Variants in ATP2A2 observed in about 807,000 individuals in gnomAD.
ATP2A2 encodes sarcoplasmic/endoplasmic reticulum calcium ATPase 2.
Under a neutral mutation model 109.3 loss-of-function variants are expected in ATP2A2, and 14 were observed. The ratio of observed to expected loss-of-function variants is 0.13; its 90% CI spans 0.08 to 0.20. The LOEUF (loss-of-function observed/expected upper bound fraction) is 0.20, where lower values mean the gene tolerates loss of function less well. Among genes scored for constraint, ATP2A2 ranks in the 10% least tolerant of loss-of-function variants. ATP2A2 has a pLI of 1.00. For synonymous variants in ATP2A2, 506 were observed against 490.9 expected (o/e 1.03, Z -0.41); for missense variants, 657 against 1,321.6 (o/e 0.50, Z 7.80).
chr12:110,286,284 A>G (rs2137684145), intron 3 of ATP2A2, among the ~76,000 whole-genome samples: 1 of 152,298 alleles, frequency 6.6e-6, no homozygotes, highest in East Asian at 1.9e-4. Flanking sequence ...AATTTTCTGA[A>G]AATACATGAG....
At chr12:110,303,882 C>T (rs568246020) in intron 5 of ATP2A2, among the ~76,000 whole-genome samples, 59 of 152,254 alleles carry the variant, frequency 3.9e-4, no homozygotes, top group African/African-American at 1.4e-3. Context: ...TATTGAATGC[C>T]AGATTATTAG....
intron 5 of ATP2A2, among the ~76,000 whole-genome samples, chr12:110,303,957 A>G (rs1874968832): frequency 6.6e-6 from 1 of 152,158 alleles, no homozygotes; most frequent in South Asian, 2.1e-4. Flanking sequence ...TCACCCTCAG[A>G]AAAACCCATA....
In ATP2A2 at chr12:110,350,068, G is replaced by T; in HGVS notation, c.*3598G>T. 7.0e-7 allele frequency: 1 copy of T among 1,433,182 alleles called. No individual in the cohort carries two copies. Among genetic ancestry groups the T allele is most frequent in the African/African-American group, 1.4e-5 (1 of 69,770 alleles). 88.8% of individuals were successfully genotyped at this position (1,433,182 alleles called of 1,614,324 possible). On this transcript the variant is annotated 3_prime_UTR_variant, in exon 20 of 20. Coordinates refer to ENST00000539276, the MANE Select transcript of ATP2A2 (RefSeq NM_170665.4). ...CAGAGCCTTTATTCTGTAGCCAGAC[G>T]ACACGAGGAGTCTGTGTCACTGAGC...
intron 5 of ATP2A2, among the ~76,000 whole-genome samples, chr12:110,297,631 T>C (rs1874112090): frequency 6.6e-6 from 1 of 151,792 alleles, no homozygotes; most frequent in Admixed American, 6.6e-5. Flanking sequence ...TTTGTTTTGT[T>C]TTTTGAGATG....
intron 5 of ATP2A2, among the ~76,000 whole-genome samples, chr12:110,302,148 C>G (rs905668513): frequency 2.2e-4 from 34 of 152,086 alleles, no homozygotes; most frequent in African/African-American, 8.0e-4. Flanking sequence ...TATAAACTTA[C>G]CCATTTTAAC....
Position 110,342,603 on chromosome 12 carries a change from G to A in ATP2A2, c.2318+155G>A, listed in dbSNP as rs1455989920. On this transcript the variant is annotated intron_variant, in intron 15 of 19. Coordinates refer to ENST00000539276, the MANE Select transcript of ATP2A2 (RefSeq NM_170665.4). This position sits in a 1 kb window ranked among gnomAD's most constrained non-coding sequence, Gnocchi z 4.6. ...GGCAAGACAGAAATGCCTTATGGAA[G>A]CAGTGGTGCTTTGGCCCTCGGGAGG... 2.0e-5 allele frequency among the ~76,000 whole-genome samples: 3 copies of A among 152,138 alleles called. No individual in the cohort carries two copies. The highest frequency in any genetic ancestry group is 7.2e-5 in the African/African-American group (3 of 41,420).
intron 5 of ATP2A2, among the ~76,000 whole-genome samples, chr12:110,306,330 C>T (rs527529759): frequency 5.3e-5 from 8 of 152,356 alleles, no homozygotes; most frequent in South Asian, 4.1e-4. Context: ...TGAGCCACCG[C>T]GCCCGGCCTA....
In ATP2A2 at chr12:110,328,003, A is replaced by C; in HGVS notation, c.1081A>C (p.Met361Leu). ...GACTGGTACACTTACAACAAACCAG[A>C]TGTCAGTCTGCAGGGTAAGAGGAGT... ...DKTGTLTTNQMSVCRMFILDR... is the reference protein window; with the variant it reads ...DKTGTLTTNQLSVCRMFILDR... Residue 361 changes from methionine to leucine, a missense_variant, in exon 8 of 20, where the codon ATG (methionine) becomes CTG (leucine). Physicochemically the swap from Met to Leu is conservative, Grantham distance 15. Coordinates refer to ENST00000539276, the MANE Select transcript of ATP2A2 (RefSeq NM_170665.4). 6.2e-7 allele frequency: 1 copy of C among 1,613,650 alleles called. No individual in the cohort carries two copies. Among genetic ancestry groups the C allele is most frequent in the Non-Finnish European group, 8.5e-7 (1 of 1,179,774 alleles).
chr12:110,332,450 T>C, intron 8 of ATP2A2, 147 bp from the exon 9 acceptor site: 2 of 738,654 alleles, frequency 2.7e-6, no homozygotes. Flanking sequence ...CTGCTGATGC[T>C]GAGTGAGCCT....
intron 11 of ATP2A2, among the ~76,000 whole-genome samples, chr12:110,338,076 TCTCC>T (rs898800901): frequency 1.3e-5 from 2 of 152,210 alleles, no homozygotes; most frequent in African/African-American, 4.8e-5. Context: ...CCATACTTGC[TCTCC>T]CTCCCTGGCC....
rs1880217948 is a variant in ATP2A2 at position 110,349,662 on chromosome 12, A to G, written c.*3192A>G. 1.0e-6 allele frequency: 1 copy of G among 989,092 alleles called. No individual in the cohort carries two copies. Among genetic ancestry groups the G allele is most frequent in the African/African-American group, 1.7e-5 (1 of 57,390 alleles). The allele number at this position is 989,092 out of a possible 1,614,324, so 61.3% of individuals were successfully genotyped here. On this transcript the variant is annotated 3_prime_UTR_variant, in exon 20 of 20. Transcript: ENST00000539276. Reference sequence around the variant, plus strand: ...AGACCTGAGACCACAAGATTAGCTCAGTGTCTACCAAGCATCTAGCCACTG... The same window carrying G: ...AGACCTGAGACCACAAGATTAGCTCGGTGTCTACCAAGCATCTAGCCACTG...
chr12:110,291,868 G>A, intron 3 of ATP2A2, 152 bp from the exon 4 acceptor site: 1 of 716,756 alleles, frequency 1.4e-6, no homozygotes, highest in Non-Finnish European at 2.5e-6. Context: ...GGTTGGTCTG[G>A]AACTCTTGAC....
chr12:110,311,196 C>G (rs1321646983), intron 5 of ATP2A2, among the ~76,000 whole-genome samples: 7 of 152,144 alleles, frequency 4.6e-5, no homozygotes, highest in African/African-American at 1.4e-4. Context: ...AGTCAGTCTG[C>G]TGTAGAGCAG....
At chr12:110,314,822 G>A (rs1876484486) in intron 5 of ATP2A2, among the ~76,000 whole-genome samples, 4 of 151,450 alleles carry the variant, frequency 2.6e-5, no homozygotes, top group Admixed American at 2.6e-4. Context: ...TTGTTTTAGT[G>A]AATGTTGTAC....
chr12:110,291,845 G>A (rs563244329), intron 3 of ATP2A2, among the ~76,000 whole-genome samples, 175 bp from the exon 4 acceptor site: 1 of 151,928 alleles, frequency 6.6e-6, no homozygotes, highest in South Asian at 2.1e-4. Flanking sequence ...ATGGGGTTTC[G>A]CCATGTTGGG....
intron 5 of ATP2A2, among the ~76,000 whole-genome samples, chr12:110,310,137 CT>C (rs1158018888): frequency 6.6e-6 from 1 of 151,106 alleles, no homozygotes; most frequent in Admixed American, 6.6e-5. Context: ...TTTCTGTTTT[CT>C]TTTTTTCTTT....
chr12:110,307,729 A>G (rs1875528676), intron 5 of ATP2A2, among the ~76,000 whole-genome samples: 2 of 152,168 alleles, frequency 1.3e-5, no homozygotes, highest in African/African-American at 4.8e-5. Context: ...TAAGTTCCTT[A>G]TAGATTCTGG....
At chr12:110,326,348 G>C in intron 6 of ATP2A2, 42 bp from the exon 7 acceptor site, 4 of 1,546,600 alleles carry the variant, frequency 2.6e-6, no homozygotes, top group Non-Finnish European at 3.6e-6. Context: ...TTCTTGGTGT[G>C]GGTCGCAGAG....
intron 5 of ATP2A2, among the ~76,000 whole-genome samples, chr12:110,317,179 A>G (rs1252042732): frequency 1.3e-5 from 2 of 152,190 alleles, no homozygotes; most frequent in Non-Finnish European, 2.9e-5. Flanking sequence ...TTTGAGTCAC[A>G]GTTAAATGTT....
Sources: allele counts gnomAD v4.1 joint callset (sites outside exome capture counted in the v4.1 genomes callset), GRCh38; gene constraint gnomAD v4.1.1; non-coding constraint Gnocchi (gnomAD v3.1); transcripts MANE v1.5; gene names NCBI Gene and HGNC (gene_info 2026-07-23, HGNC 2026-07-21).